The following IGF2BP3 variants were observed in gnomAD, a reference collection of about 807,000 sequenced individuals.
IGF2BP3 encodes insulin-like growth factor 2 mRNA-binding protein 3.
In IGF2BP3, 9 loss-of-function variants were observed where a neutral mutation model predicts 73.8. That is an observed-to-expected ratio of 0.12 (90% CI 0.07 to 0.21). The LOEUF (loss-of-function observed/expected upper bound fraction) is 0.21. Among genes scored for constraint, IGF2BP3 ranks in the 10% least tolerant of loss-of-function variants. The probability of loss-of-function intolerance (pLI) is 1.00; values close to 1 mark genes in which losing one functional copy is unlikely to be tolerated. For synonymous variants in IGF2BP3, 258 were observed against 256.7 expected (o/e 1.01, Z -0.05); for missense variants, 542 against 714.0 (o/e 0.76, Z 2.75).
intron 11 of IGF2BP3, among the ~76,000 whole-genome samples, chr7:23,318,018 G>C (rs156413): frequency 0.039 from 5,923 of 152,214 alleles, 187 homozygotes; most frequent in South Asian, 0.1. Flanking sequence ...TGGAAGGCTG[G>C]AGAAATTGAG....
At position 23,408,835 on chromosome 7, in the gene IGF2BP3, G is replaced by A. The variant is rs151145778; in HGVS notation, c.285+9941C>T. On this transcript the variant is annotated intron_variant, in intron 3 of 14. Coordinates refer to ENST00000258729, the MANE Select transcript of IGF2BP3 (RefSeq NM_006547.3). ...CCATGGACAGAAGAATAAACAAAAGGTAGAATACACAGACAGAGGAATACT... is the reference window on the plus strand; with the variant it reads ...CCATGGACAGAAGAATAAACAAAAGATAGAATACACAGACAGAGGAATACT... Among the ~76,000 whole-genome samples, 16 of 152,226 alleles carry A rather than the reference G, an allele frequency of 1.1e-4. No individual in the cohort carries two copies. The East Asian group carries it at 3.1e-3, about 29-fold the overall frequency.
intron 2 of IGF2BP3, among the ~76,000 whole-genome samples, chr7:23,468,179 A>G (rs567301561): frequency 6.6e-6 from 1 of 152,268 alleles, no homozygotes; most frequent in African/African-American, 2.4e-5. Context: ...GCTTGTTGGG[A>G]CCCATTTCCC....
rs533457443 is a variant in IGF2BP3, at chr7:23,320,203, C to T, written c.1204-949G>A. Among the ~76,000 whole-genome samples, 24 of 152,210 alleles carry T rather than the reference C, an allele frequency of 1.6e-4. 1 individual carries two copies. The highest frequency in any genetic ancestry group is 9.7e-4 in the East Asian group (5 of 5,168). ...CTGGGATTACAGGCGTGAGCCACTGCGCCCAGCCCCCTTTGCATTTTATAC... is the reference window on the plus strand; with the variant it reads ...CTGGGATTACAGGCGTGAGCCACTGTGCCCAGCCCCCTTTGCATTTTATAC... On this transcript the variant is annotated intron_variant, in intron 10 of 14. Transcript: ENST00000258729.
At chr7:23,335,302 G>A (rs371013707) in intron 10 of IGF2BP3, among the ~76,000 whole-genome samples, 1 of 131,350 alleles carries the variant, frequency 7.6e-6, no homozygotes, top group Non-Finnish European at 1.7e-5. Context: ...TTTTTTTTTT[G>A]GACAAGGTCT....
Position 23,351,623 on chromosome 7 carries a change from T to A in IGF2BP3, c.402-37A>T, listed in dbSNP as rs745563059. Reference sequence around the variant, plus strand: ...AAAGGGGCAGGGGTGGGAAAAGGAATCAGGCTATATGACACATCTTTTAGC... The same window carrying A: ...AAAGGGGCAGGGGTGGGAAAAGGAAACAGGCTATATGACACATCTTTTAGC... On this transcript the variant is annotated intron_variant, in intron 5 of 14. Transcript: ENST00000258729. 1.7e-5 allele frequency: 28 copies of A among 1,607,682 alleles called. 1 individual carries two copies. The highest frequency in any genetic ancestry group is 1.4e-4 in the South Asian group (13 of 90,242).
At chr7:23,417,099 CT>C (rs1787212111) in intron 3 of IGF2BP3, among the ~76,000 whole-genome samples, 1 of 152,098 alleles carries the variant, frequency 6.6e-6, no homozygotes, top group African/African-American at 2.4e-5. Context: ...CAAAGTGACC[CT>C]TCTCAAAAAG....
intron 12 of IGF2BP3, among the ~76,000 whole-genome samples, chr7:23,314,877 A>T (rs998605099): frequency 2.0e-5 from 3 of 152,056 alleles, no homozygotes; most frequent in Admixed American, 1.3e-4. Flanking sequence ...GGCTTACTGC[A>T]ACCTCCGACC....
chr7:23,369,706 T>C (rs538744008), intron 3 of IGF2BP3, among the ~76,000 whole-genome samples: 10 of 151,928 alleles, frequency 6.6e-5, no homozygotes, highest in Admixed American at 2.0e-4. Context: ...TTGACACATA[T>C]AGAGATCACT....
intron 11 of IGF2BP3, 72 bp from the exon 12 acceptor site, chr7:23,317,785 AACATTTGC>A (rs1784031928): frequency 5.8e-6 from 7 of 1,198,216 alleles, no homozygotes; most frequent in Non-Finnish European, 8.7e-6. Flanking sequence ...CAACCAGCCT[AACATTTGC>A]ATGTGACTGG....
At chr7:23,381,730 A>G (rs534061157) in intron 3 of IGF2BP3, among the ~76,000 whole-genome samples, 1 of 151,922 alleles carries the variant, frequency 6.6e-6, no homozygotes, top group Non-Finnish European at 1.5e-5. Flanking sequence ...CACCACGCCC[A>G]GCTAATTTTT....
At chr7:23,366,219 C>A (rs1023751523) in intron 3 of IGF2BP3, among the ~76,000 whole-genome samples, 3 of 151,784 alleles carry the variant, frequency 2.0e-5, no homozygotes, top group Non-Finnish European at 4.4e-5. Context: ...CTCACTGCAA[C>A]GTCTGCCTCC....
chr7:23,379,107 T>C (rs1562712841), intron 3 of IGF2BP3, among the ~76,000 whole-genome samples: 1 of 152,182 alleles, frequency 6.6e-6, no homozygotes, highest in Non-Finnish European at 1.5e-5. Context: ...TGGACATGTG[T>C]TTCATAATAA....
At chr7:23,371,724 C>G (rs1785554092) in intron 3 of IGF2BP3, among the ~76,000 whole-genome samples, 1 of 152,200 alleles carries the variant, frequency 6.6e-6, no homozygotes, top group African/African-American at 2.4e-5. Context: ...CAGCCTCCAT[C>G]ATACCACACG....
intron 3 of IGF2BP3, chr7:23,402,283 A>G (rs1786693026): frequency 6.6e-6 from 1 of 152,230 alleles, no homozygotes; most frequent in East Asian, 1.9e-4. Context: ...ACTTTGCAGA[A>G]CTTTTGCACA....
intron 10 of IGF2BP3, 27 bp from the exon 11 acceptor site, chr7:23,319,281 C>T (rs1482419814): frequency 6.9e-7 from 1 of 1,448,662 alleles, no homozygotes. Context: ...CCAGGACACC[C>T]ATGTTTATTT....
chr7:23,468,566 C>CG, intron 1 of IGF2BP3, 24 bp from the exon 2 acceptor site: 1 of 1,613,424 alleles, frequency 6.2e-7, no homozygotes, highest in Non-Finnish European at 8.5e-7. Flanking sequence ...AGAAGTGAGA[C>CG]GGTCGGCCGA....
At chr7:23,428,459 G>C (rs931836980) in intron 2 of IGF2BP3, among the ~76,000 whole-genome samples, 37 of 151,660 alleles carry the variant, frequency 2.4e-4, no homozygotes, top group African/African-American at 8.7e-4. Flanking sequence ...GCGACAGAGA[G>C]AGACTCCGTC....
chr7:23,333,256 T>C (rs1210866487), intron 10 of IGF2BP3, among the ~76,000 whole-genome samples: 1 of 152,196 alleles, frequency 6.6e-6, no homozygotes, highest in African/African-American at 2.4e-5. Context: ...TGATTTCCCA[T>C]GACTATGAGA....
intron 1 of IGF2BP3, 43 bp from the exon 2 acceptor site, chr7:23,468,585 G>A (rs776600507): frequency 6.3e-7 from 1 of 1,595,410 alleles, no homozygotes; most frequent in Non-Finnish European, 8.6e-7. Context: ...GAGTTCAGCG[G>A]CTCTCCCTGC....
Sources: allele counts gnomAD v4.1 joint callset (sites outside exome capture counted in the v4.1 genomes callset), GRCh38; gene constraint gnomAD v4.1.1; transcripts MANE v1.5; gene names NCBI Gene and HGNC (gene_info 2026-07-23, HGNC 2026-07-21).